Variants in PPP3CA observed in about 807,000 individuals in gnomAD.
PPP3CA encodes protein phosphatase 3 catalytic subunit alpha.
In PPP3CA, 14 loss-of-function variants were observed where a neutral mutation model predicts 66.5. That is an observed-to-expected ratio of 0.21 (90% CI 0.14 to 0.33). PPP3CA has a LOEUF of 0.33. Among genes scored for constraint, PPP3CA ranks in the 10% least tolerant of loss-of-function variants. The probability of loss-of-function intolerance (pLI) is 1.00; values close to 1 mark genes in which losing one functional copy is unlikely to be tolerated. For synonymous variants in PPP3CA, 232 were observed against 226.2 expected (o/e 1.03, Z -0.23); for missense variants, 317 against 639.5 (o/e 0.50, Z 5.44).
rs755172838 is a variant in PPP3CA at position 101,196,163 on chromosome 4, C to A, written c.59-47G>T. ...TATTACATTAGCCAAAACTCAACAA[C>A]AAACAATGCAATAATAACCACCAAA... On this transcript the variant is annotated intron_variant, in intron 1 of 13. Coordinates refer to ENST00000394854, the MANE Select transcript of PPP3CA (RefSeq NM_000944.5). 4 of 1,538,800 alleles carry A rather than the reference C, an allele frequency of 2.6e-6. No homozygotes were observed. The Admixed American group carries it at 7.0e-5, about 27-fold the overall frequency.
In PPP3CA at chr4:101,053,811, A is replaced by G. The variant is rs76273398; in HGVS notation, c.1156+7276T>C. The stretch of plus-strand genomic sequence containing the variant: ...GTCTAAGACCTGTTGATTCTACGTC[A>G]TAAGTCCTCGGAAAGGTCTTTTGAA... On this transcript the variant is annotated intron_variant, in intron 10 of 13. Coordinates refer to ENST00000394854, the MANE Select transcript of PPP3CA (RefSeq NM_000944.5). Among the ~76,000 whole-genome samples, 114 of 152,148 alleles carry G rather than the reference A, an allele frequency of 7.5e-4. 1 individual carries two copies. The East Asian group carries it at 0.02, about 26-fold the overall frequency.
chr4:101,241,103 G>C (rs1205271021), intron 1 of PPP3CA, among the ~76,000 whole-genome samples: 1 of 151,992 alleles, frequency 6.6e-6, no homozygotes, highest in Non-Finnish European at 1.5e-5. Context: ...CTGGACTCAA[G>C]CAATCCTCCT....
At chr4:101,309,069 G>A (rs986326805) in intron 1 of PPP3CA, among the ~76,000 whole-genome samples, 1 of 152,152 alleles carries the variant, frequency 6.6e-6, no homozygotes, top group Non-Finnish European at 1.5e-5. Flanking sequence ...TGAGGCTACA[G>A]TGAGCCATGA....
chr4:101,029,203 GAAGA>G lies in PPP3CA; in HGVS notation c.1340-12_1340-9del, dbSNP rs1266478430. On this transcript the variant is annotated splice_polypyrimidine_tract_variant and intron_variant, in intron 12 of 13. Coordinates refer to ENST00000394854, the MANE Select transcript of PPP3CA (RefSeq NM_000944.5). ...CAATAGCCTCAACAGTAGCTGAAGA[GAAGA>G]AAGGGGGTGCAAAATGAATGAGAAA... 6.2e-7 allele frequency: 1 copy of G among 1,607,256 alleles called. No individual in the cohort carries two copies. Among genetic ancestry groups the G allele is most frequent in the Admixed American group, 1.7e-5 (1 of 59,960 alleles).
chr4:101,125,097 T>C (rs959632495), intron 2 of PPP3CA, among the ~76,000 whole-genome samples: 1 of 151,238 alleles, frequency 6.6e-6, no homozygotes, highest in African/African-American at 2.5e-5. Flanking sequence ...AAATGCTCGT[T>C]AGCACATAGG....
At chr4:101,098,740 A>G (rs1265234397) in intron 4 of PPP3CA, among the ~76,000 whole-genome samples, 2 of 152,064 alleles carry the variant, frequency 1.3e-5, no homozygotes, top group African/African-American at 4.8e-5. Context: ...TATAATTTTC[A>G]TAACGTTTTG....
intron 1 of PPP3CA, among the ~76,000 whole-genome samples, chr4:101,232,086 T>C (rs1725981048): frequency 6.6e-6 from 1 of 151,680 alleles, no homozygotes; most frequent in African/African-American, 2.4e-5. Flanking sequence ...TAAACCCTAC[T>C]TGACCTTTTA....
At chr4:101,249,587 AAT>A (rs1422484791) in intron 1 of PPP3CA, among the ~76,000 whole-genome samples, 1 of 152,174 alleles carries the variant, frequency 6.6e-6, no homozygotes, top group Non-Finnish European at 1.5e-5. Context: ...GTAAAATATT[AAT>A]ATTTCAATTT....
chr4:101,175,795 G>C (rs1724041022), intron 2 of PPP3CA, among the ~76,000 whole-genome samples: 1 of 152,132 alleles, frequency 6.6e-6, no homozygotes, highest in African/African-American at 2.4e-5. Context: ...CTCAGTATAG[G>C]AGTGGAGTAG....
chr4:101,209,596 T>G (rs1346378381), intron 1 of PPP3CA, among the ~76,000 whole-genome samples: 2 of 152,314 alleles, frequency 1.3e-5, no homozygotes, highest in East Asian at 3.9e-4. Context: ...TTGATGTATT[T>G]TATTTATGCA....
At chr4:101,175,965 C>T (rs999549567) in intron 2 of PPP3CA, among the ~76,000 whole-genome samples, 4 of 152,090 alleles carry the variant, frequency 2.6e-5, no homozygotes, top group Admixed American at 2.6e-4. Context: ...TCCACAAAAC[C>T]TTACTCCCTC....
At chr4:101,070,175 C>T (rs1278977446) in intron 8 of PPP3CA, among the ~76,000 whole-genome samples, 1 of 151,926 alleles carries the variant, frequency 6.6e-6, no homozygotes, top group Non-Finnish European at 1.5e-5. Context: ...GGCACAGATC[C>T]CTTTTTTTTA....
At chr4:101,303,835 T>C (rs978166304) in intron 1 of PPP3CA, among the ~76,000 whole-genome samples, 1 of 152,176 alleles carries the variant, frequency 6.6e-6, no homozygotes, top group African/African-American at 2.4e-5. Flanking sequence ...GTGCACCAAT[T>C]TGATGGGATA....
intron 2 of PPP3CA, among the ~76,000 whole-genome samples, chr4:101,138,681 G>A (rs879330017): frequency 6.6e-6 from 1 of 152,154 alleles, no homozygotes; most frequent in Non-Finnish European, 1.5e-5. Context: ...GATTAGGGAT[G>A]CTCCCCTGTA....
At chr4:101,249,282 A>C (rs1257977597) in intron 1 of PPP3CA, among the ~76,000 whole-genome samples, 4 of 152,170 alleles carry the variant, frequency 2.6e-5, no homozygotes, top group Admixed American at 6.5e-5. Context: ...CACGTTATCC[A>C]CCTTAATATA....
chr4:101,306,514 T>A (rs1278941281), intron 1 of PPP3CA, among the ~76,000 whole-genome samples: 1 of 151,954 alleles, frequency 6.6e-6, no homozygotes, highest in Non-Finnish European at 1.5e-5. Context: ...AAACCACCAG[T>A]AATAATAGAT....
At chr4:101,301,185 T>C (rs1002476940) in intron 1 of PPP3CA, among the ~76,000 whole-genome samples, 3 of 151,860 alleles carry the variant, frequency 2.0e-5, no homozygotes, top group Non-Finnish European at 4.4e-5. Context: ...TAAATACATA[T>C]ACACAGACAC....
intron 1 of PPP3CA, among the ~76,000 whole-genome samples, chr4:101,201,289 C>T (rs1008917243): frequency 5.3e-5 from 8 of 152,172 alleles, no homozygotes; most frequent in Admixed American, 3.3e-4. Context: ...CTTAGCCTTT[C>T]TTCTTTCCCA....
intron 1 of PPP3CA, among the ~76,000 whole-genome samples, chr4:101,216,217 A>C (rs140162038): frequency 1.5e-3 from 229 of 152,292 alleles, no homozygotes; most frequent in African/African-American, 5.2e-3. Context: ...GAAAAATATT[A>C]TTTAAACGTT....
Sources: gnomAD v4.1 joint callset for allele counts (sites outside exome capture counted in the v4.1 genomes callset) on GRCh38, gnomAD v4.1.1 for gene constraint, MANE v1.5 for transcripts, NCBI Gene and HGNC (gene_info 2026-07-23, HGNC 2026-07-21) for gene names.